Variants in MTSS2 observed in about 807,000 individuals in gnomAD.
The protein encoded by MTSS2 is protein MTSS 2.
Under a neutral mutation model 67.1 loss-of-function variants are expected in MTSS2, and 27 were observed. The ratio of observed to expected loss-of-function variants is 0.40; its 90% CI spans 0.30 to 0.55. MTSS2 has a LOEUF of 0.55. Ranked by LOEUF, MTSS2 falls within the 20% of genes least tolerant of loss-of-function variation. The probability of loss-of-function intolerance (pLI) is 0.43; values close to 1 mark genes in which losing one functional copy is unlikely to be tolerated. For missense variants in MTSS2, 1,171 were observed against 1,067.8 expected (o/e 1.10, Z -1.35); for synonymous variants, 624 against 468.6 (o/e 1.33, Z -4.28).
intron 6 of MTSS2, 60 bp downstream of exon 6, chr16:70,679,570 G>T: frequency 6.7e-7 from 1 of 1,502,190 alleles, no homozygotes. Context: ...GCCCCACGGG[G>T]CGGTGGGGCT....
chr16:70,676,280 G>A (rs1597817510), intron 10 of MTSS2, among the ~76,000 whole-genome samples: 1 of 152,246 alleles, frequency 6.6e-6, no homozygotes. Flanking sequence ...GTGACTGCGA[G>A]ATCCTTGGCC....
In MTSS2 at chr16:70,685,724, T is replaced by G; in HGVS notation, c.68A>C (p.Lys23Thr). 1 of 1,370,802 alleles carries G rather than the reference T, an allele frequency of 7.3e-7. No homozygotes were observed. Among genetic ancestry groups the G allele is most frequent in the Non-Finnish European group, 9.6e-7 (1 of 1,041,110 alleles). The allele number at this position is 1,370,802 out of a possible 1,614,324, so 84.9% of individuals were successfully genotyped here. A position where few individuals can be genotyped will look rare whatever the true frequency, so the allele number is the denominator to read the frequency against. The change falls in exon 1 of 15, where the codon AAG (lysine) becomes ACG (threonine). Residue 23 changes from lysine (K) to threonine (T), a missense_variant and splice_region_variant. Lys to Thr is a moderately conservative substitution (Grantham distance 78). Coordinates refer to ENST00000338779, the MANE Select transcript of MTSS2 (RefSeq NM_138383.3). The part of the protein sequence containing the change: ...GLFQAIVNDM[K>T]SSYPIWEDFN... Reference sequence around the variant, plus strand: ...CCGGCCCCGCCGCGCCCCGGTTACCTTCATGTCGTTGACTATGGCCTGGAA... The same window carrying G: ...CCGGCCCCGCCGCGCCCCGGTTACCGTCATGTCGTTGACTATGGCCTGGAA...
chr16:70,678,840 G>A (rs773179590), intron 7 of MTSS2, among the ~76,000 whole-genome samples: 8 of 152,178 alleles, frequency 5.3e-5, no homozygotes, highest in East Asian at 1.9e-4. Flanking sequence ...CACAGGGGGC[G>A]GGGGCCAGGA....
rs1188306327 is a variant in MTSS2 at position 70,663,960 on chromosome 16, C to T, written c.1961G>A (p.Gly654Glu). 6.4e-7 allele frequency: 1 copy of T among 1,566,496 alleles called. No individual in the cohort carries two copies. ...GTCCTCGGCCCCTGCCCCGGGGTAC[C>T]CGGCTGCCTCTGGGGATGGGCTGCC... ...AWGSPSPEAAGYPGAGAEDEQ... is the reference protein window; with the variant it reads ...AWGSPSPEAAEYPGAGAEDEQ... Residue 654 changes from glycine to glutamate, a missense_variant, in exon 15 of 15, where the codon GGG becomes GAG. Physicochemically the swap from Gly to Glu is moderately conservative, Grantham distance 98 (BLOSUM62 -2). Around this residue, in one of 2 missense-constraint regions of MTSS2, gnomAD observed 924 missense variants for 756.0 expected, o/e 1.22. Transcript: ENST00000338779.
intron 10 of MTSS2, among the ~76,000 whole-genome samples, chr16:70,675,575 C>T (rs572675380): frequency 8.3e-4 from 126 of 152,266 alleles, no homozygotes; most frequent in Non-Finnish European, 1.3e-3. Flanking sequence ...CCACCATGCC[C>T]GGCTAATTTT....
At chr16:70,674,264 T>C (rs1290319567) in intron 11 of MTSS2, 42 bp downstream of exon 11, 20 of 1,584,528 alleles carry the variant, frequency 1.3e-5, no homozygotes, top group Non-Finnish European at 1.5e-5. Flanking sequence ...GGCATAAGGC[T>C]GCTGCACCCC....
chr16:70,674,774 T>C (rs58896122), intron 10 of MTSS2, among the ~76,000 whole-genome samples: 11,330 of 152,218 alleles, frequency 0.074, 1,411 homozygotes, highest in African/African-American at 0.26. Context: ...GGTCAGGGAA[T>C]GCCCAGGGTG....
chr16:70,661,346 A>G lies in MTSS2; in HGVS notation c.*2331T>C. The G allele has an allele frequency of 8.9e-6, 4 of 449,830 alleles. No homozygotes were observed. Among genetic ancestry groups the G allele is most frequent in the South Asian group, 6.2e-5 (4 of 64,050 alleles). 27.9% of individuals were successfully genotyped at this position (449,830 alleles called of 1,614,324 possible). On this transcript the variant is annotated 3_prime_UTR_variant, in exon 15 of 15. Coordinates refer to ENST00000338779, the MANE Select transcript of MTSS2 (RefSeq NM_138383.3). ...AATTTTTCCAAAATCTGACGGAAAG[A>G]AAAGAAACAAATGGTTCAGATGGGA... is the stretch of plus-strand genomic sequence containing the variant.
intron 1 of MTSS2, 76 bp downstream of exon 1, chr16:70,685,647 G>C (rs967586033): frequency 2.1e-6 from 2 of 937,056 alleles, no homozygotes; most frequent in Non-Finnish European, 2.6e-6. Flanking sequence ...CACGAGGCTC[G>C]GCCACCCGCC....
intron 10 of MTSS2, among the ~76,000 whole-genome samples, chr16:70,676,479 G>C (rs765220107): frequency 6.6e-6 from 1 of 152,200 alleles, no homozygotes. Flanking sequence ...GACCCCACAC[G>C]GTGCTAGGCC....
intron 1 of MTSS2, among the ~76,000 whole-genome samples, chr16:70,681,574 T>A (rs2053306331): frequency 6.6e-6 from 1 of 152,236 alleles, no homozygotes; most frequent in Non-Finnish European, 1.5e-5. Flanking sequence ...CCAGCAGCAG[T>A]GGCTCCCAGG....
rs1303814125 is a variant in MTSS2 at position 70,685,829 on chromosome 16, A to C, written c.-38T>G. On this transcript the variant is annotated 5_prime_UTR_variant, in exon 1 of 15. Coordinates refer to ENST00000338779, the MANE Select transcript of MTSS2 (RefSeq NM_138383.3). ...CCGGGCCGCGGCGGCGGCTAGGCGC[A>C]CGGAGCGCGGGGAGCAGCGCAAGGG... 17 of 1,224,806 alleles carry C rather than the reference A, an allele frequency of 1.4e-5. No individual in the cohort carries two copies. Among genetic ancestry groups the C allele is most frequent in the African/African-American group, 1.6e-5 (1 of 62,358 alleles). 75.9% of individuals were successfully genotyped at this position (1,224,806 alleles called of 1,614,324 possible).
rs1327567733 is a variant in MTSS2, at chr16:70,661,240, T to C, written c.*2437A>G. ...GTACACCTTTATTAATACTGGAATC[T>C]TCACAGTGCATCTGTTACTTGTAGC... On this transcript the variant is annotated 3_prime_UTR_variant, in exon 15 of 15. Transcript: ENST00000338779. The C allele has an allele frequency of 2.2e-6, 1 of 455,876 alleles. No individual in the cohort carries two copies. The highest frequency in any genetic ancestry group is 2.4e-5 in the Admixed American group (1 of 42,502). The allele number at this position is 455,876 out of a possible 1,614,324, so 28.2% of individuals were successfully genotyped here.
Position 70,663,999 on chromosome 16 carries a change from G to C in MTSS2, c.1922C>G (p.Pro641Arg). Residue 641 changes from proline to arginine, a missense_variant, in exon 15 of 15, where the codon CCC becomes CGC. Pro to Arg is a moderately radical substitution (Grantham distance 103, BLOSUM62 -2). Coordinates refer to ENST00000338779, the MANE Select transcript of MTSS2 (RefSeq NM_138383.3). ...AKASPKRLSL[P>R]NTAWGSPSPE... The stretch of plus-strand genomic sequence containing the variant: ...GGATGGGCTGCCCCAGGCTGTGTTG[G>C]GCAGGCTGAGCCTCTTTGGGGAGGC... 6.3e-7 allele frequency: 1 copy of C among 1,596,522 alleles called. No individual in the cohort carries two copies. Among genetic ancestry groups the C allele is most frequent in the Non-Finnish European group, 8.5e-7 (1 of 1,172,706 alleles).
chr16:70,680,606 C>T (rs1175715728), intron 3 of MTSS2, among the ~76,000 whole-genome samples, 188 bp downstream of exon 3: 2 of 152,276 alleles, frequency 1.3e-5, no homozygotes, highest in East Asian at 1.9e-4. Flanking sequence ...TACTTACCCA[C>T]TCCTGCTTGC....
intron 1 of MTSS2, among the ~76,000 whole-genome samples, chr16:70,682,649 G>C (rs747488482): frequency 4.4e-5 from 6 of 136,970 alleles, no homozygotes; most frequent in African/African-American, 1.1e-4. Context: ...ACCTGGACCC[G>C]CCCCCCTCCC....
chr16:70,683,663 G>C (rs1370907687), intron 1 of MTSS2, among the ~76,000 whole-genome samples: 1 of 152,240 alleles, frequency 6.6e-6, no homozygotes, highest in East Asian at 1.9e-4. Context: ...CTCAGCCCAA[G>C]GTCAGGGCCT....
chr16:70,665,196 CA>C, intron 12 of MTSS2, 100 bp from the exon 13 acceptor site: 1 of 1,360,154 alleles, frequency 7.4e-7, no homozygotes, highest in Non-Finnish European at 9.8e-7. Context: ...CCAGGGCTAT[CA>C]GGGGGTCTCT....
chr16:70,679,111 C>A (rs1041145219), intron 7 of MTSS2, among the ~76,000 whole-genome samples: 3 of 152,122 alleles, frequency 2.0e-5, no homozygotes, highest in African/African-American at 7.2e-5. Context: ...CAGACTGACC[C>A]AGCAGTGGCC....
Sources: gnomAD v4.1 joint callset for allele counts (sites outside exome capture counted in the v4.1 genomes callset) on GRCh38, gnomAD v4.1.1 for gene constraint, gnomAD v4.1.1 regional missense constraint, MANE v1.5 for transcripts, NCBI Gene and HGNC (gene_info 2026-07-23, HGNC 2026-07-21) for gene names.